Variants in PRKCZ observed in about 807,000 individuals in gnomAD.
The protein encoded by PRKCZ is protein kinase C zeta type.
In PRKCZ, 33 loss-of-function variants were observed where a neutral mutation model predicts 79.5. That is an observed-to-expected ratio of 0.41 (90% CI 0.31 to 0.55). The LOEUF (loss-of-function observed/expected upper bound fraction) is 0.55. PRKCZ is among the 20% of genes least tolerant of loss of function. The pLI is 0.19. For synonymous variants in PRKCZ, 342 were observed against 320.9 expected (o/e 1.07, Z -0.70); for missense variants, 578 against 813.5 (o/e 0.71, Z 3.52).
intron 4 of PRKCZ, among the ~76,000 whole-genome samples, chr1:2,079,898 G>A (rs571689148): frequency 2.0e-5 from 3 of 152,282 alleles, no homozygotes; most frequent in East Asian, 3.9e-4. Context: ...TGGGAGGGCC[G>A]GGCATCTCAC....
chr1:2,133,454 C>T (rs1420498699), intron 4 of PRKCZ, among the ~76,000 whole-genome samples: 1 of 150,156 alleles, frequency 6.7e-6, no homozygotes, highest in South Asian at 2.1e-4. Context: ...GTCCTTCCCT[C>T]AGCTCTACCC....
At chr1:2,171,791 G>A (rs1404972318) in intron 11 of PRKCZ, 18 of 460,770 alleles carry the variant, frequency 3.9e-5, no homozygotes, top group Non-Finnish European at 6.6e-5. Flanking sequence ...TTATTTGCCC[G>A]CTCCTCCCCT....
rs1040209932 is a variant in PRKCZ, at chr1:2,184,676, G to A, written c.1669G>A (p.Val557Met). ...NFDTQFTSEP[V>M]QLTPDDEDAI... ...TGACACACAGTTCACCAGCGAGCCCGTGCAGCTGACCCCAGACGATGAGTG... is the reference window on the plus strand; with the variant it reads ...TGACACACAGTTCACCAGCGAGCCCATGCAGCTGACCCCAGACGATGAGTG... Residue 557 changes from valine to methionine, a missense_variant, in exon 17 of 18, where the codon GTG (valine) becomes ATG (methionine). Val to Met is a conservative substitution (Grantham distance 21, BLOSUM62 1). Coordinates refer to ENST00000378567, the MANE Select transcript of PRKCZ (RefSeq NM_002744.6). 4.3e-6 allele frequency: 7 copies of A among 1,613,566 alleles called. No individual in the cohort carries two copies. Among genetic ancestry groups the A allele is most frequent in the South Asian group, 1.1e-5 (1 of 91,012 alleles).
chr1:2,103,081 G>A (rs1238922718), intron 4 of PRKCZ, among the ~76,000 whole-genome samples: 1 of 152,134 alleles, frequency 6.6e-6, no homozygotes, highest in Admixed American at 6.5e-5. Context: ...TGTTACCCAG[G>A]CTGGTCTGGA....
chr1:2,167,397 C>T (rs1683545481), intron 10 of PRKCZ, among the ~76,000 whole-genome samples: 1 of 152,240 alleles, frequency 6.6e-6, no homozygotes, highest in South Asian at 2.1e-4. Context: ...GCTTTGTCCC[C>T]GTCCTATGGG....
chr1:2,152,299 G>A (rs553488326), intron 9 of PRKCZ, among the ~76,000 whole-genome samples: 3 of 152,230 alleles, frequency 2.0e-5, no homozygotes, highest in South Asian at 4.1e-4. Flanking sequence ...TTGGGAGGCT[G>A]AGACAGGTGG....
At chr1:2,179,223 C>T (rs1402617947) in intron 16 of PRKCZ, among the ~76,000 whole-genome samples, 3 of 152,222 alleles carry the variant, frequency 2.0e-5, no homozygotes, top group African/African-American at 7.2e-5. Flanking sequence ...TCCTCAGGCT[C>T]CTAATCCTGA....
chr1:2,162,827 C>T (rs1682582705), intron 10 of PRKCZ, among the ~76,000 whole-genome samples: 2 of 152,206 alleles, frequency 1.3e-5, no homozygotes, highest in African/African-American at 4.8e-5. Context: ...CTCAGAGCAT[C>T]CAGCAGCAGG....
intron 4 of PRKCZ, among the ~76,000 whole-genome samples, chr1:2,090,403 G>A (rs28575376): frequency 0.029 from 4,347 of 152,246 alleles, 209 homozygotes; most frequent in African/African-American, 0.099. Context: ...CCTGCTGACC[G>A]AGGGGCGTGG....
rs1358502622 is a variant in PRKCZ, at chr1:2,178,844, G to A, written c.1575+3531G>A. Among the ~76,000 whole-genome samples, 1 of 152,190 alleles carries A rather than the reference G, an allele frequency of 6.6e-6. No individual in the cohort carries two copies. The highest frequency in any genetic ancestry group is 2.4e-5 in the African/African-American group (1 of 41,442). On this transcript the variant is annotated intron_variant, in intron 16 of 17. Transcript: ENST00000378567. The surrounding 1 kb of genome is among the most constrained non-coding windows in gnomAD (Gnocchi z 4.3). ...ACGGACTGCGGGGAAGGCAGTGGGA[G>A]CAGCAGGAATGGATGGTGAAAGGAC...
chr1:2,181,847 A>C (rs906243272), intron 16 of PRKCZ: 6 of 456,442 alleles, frequency 1.3e-5, no homozygotes, highest in Admixed American at 9.4e-5. Flanking sequence ...TCATACAAAG[A>C]ATACAAGTAA....
intron 4 of PRKCZ, chr1:2,111,674 G>A (rs1277878916): frequency 6.6e-6 from 1 of 152,316 alleles, no homozygotes; most frequent in African/African-American, 2.4e-5. Context: ...CTGCCGGCCT[G>A]GACTCAGGAC....
intron 4 of PRKCZ, among the ~76,000 whole-genome samples, chr1:2,115,111 CT>C (rs1670492383): frequency 6.6e-6 from 1 of 152,274 alleles, no homozygotes; most frequent in African/African-American, 2.4e-5. Context: ...GATAGTTTTG[CT>C]TGTTTCGAGC....
chr1:2,100,536 A>G (rs768770477), intron 4 of PRKCZ, among the ~76,000 whole-genome samples: 5 of 152,226 alleles, frequency 3.3e-5, no homozygotes, highest in Non-Finnish European at 7.3e-5. Context: ...ATGGGCGATG[A>G]TGTCTCTGAT....
At chr1:2,111,243 G>A (rs1161427133) in intron 4 of PRKCZ, among the ~76,000 whole-genome samples, 1 of 152,134 alleles carries the variant, frequency 6.6e-6, no homozygotes, top group African/African-American at 2.4e-5. Context: ...AAAGAAAGAG[G>A]CAGAGAAGGT....
intron 4 of PRKCZ, chr1:2,074,014 C>T (rs1030981997): frequency 8.4e-6 from 12 of 1,427,122 alleles, no homozygotes; most frequent in Middle Eastern, 2.6e-4. Flanking sequence ...GTGCGGAGGA[C>T]GGTGCCCGAG....
chr1:2,077,430 G>A (rs1662639816), intron 4 of PRKCZ, among the ~76,000 whole-genome samples: 1 of 152,212 alleles, frequency 6.6e-6, no homozygotes, highest in Non-Finnish European at 1.5e-5. Context: ...GGCTTCTTCT[G>A]TTTGTTCCTC....
In PRKCZ at chr1:2,172,486, AC is replaced by A. The variant is rs1479683316; in HGVS notation, c.1285+99del. On this transcript the variant is annotated intron_variant, in intron 13 of 17. Transcript: ENST00000378567. This position sits in a 1 kb window ranked among gnomAD's most constrained non-coding sequence, Gnocchi z 7.8. ...AGGGAGAGGTGTCCTTGACCATCTT[AC>A]ACCCAAAAGCCACACACTGTCTTTC... 7.7e-7 allele frequency: 1 copy of A among 1,293,126 alleles called. No individual in the cohort carries two copies. Among genetic ancestry groups the A allele is most frequent in the African/African-American group, 1.5e-5 (1 of 66,806 alleles). The allele number at this position is 1,293,126 out of a possible 1,614,324, so 80.1% of individuals were successfully genotyped here. A position where few individuals can be genotyped will look rare whatever the true frequency, so the allele number is the denominator to read the frequency against.
chr1:2,138,665 G>C (rs1676717989), intron 5 of PRKCZ, among the ~76,000 whole-genome samples: 1 of 152,228 alleles, frequency 6.6e-6, no homozygotes, highest in African/African-American at 2.4e-5. Flanking sequence ...GCCCGGCGCA[G>C]TGGCTCACGC....
Sources: allele counts gnomAD v4.1 joint callset (sites outside exome capture counted in the v4.1 genomes callset), GRCh38; gene constraint gnomAD v4.1.1; non-coding constraint Gnocchi (gnomAD v3.1); transcripts MANE v1.5; gene names NCBI Gene and HGNC (gene_info 2026-07-23, HGNC 2026-07-21).